Variants in GCNT1 observed in about 807,000 individuals in gnomAD.
GCNT1 encodes beta-1,3-galactosyl-O-glycosyl-glycoprotein beta-1,6-N-acetylglucosaminyltransferase.
Under a neutral mutation model 26.2 loss-of-function variants are expected in GCNT1, and 16 were observed. The observed-to-expected ratio is 0.61, with a 90% confidence interval of 0.41 to 0.93. GCNT1 has a LOEUF of 0.93. GCNT1 is among the 40% of genes least tolerant of loss of function. GCNT1 has a pLI of 0.00. For synonymous variants in GCNT1, 183 were observed against 190.8 expected, an observed-to-expected ratio of 0.96 and a Z score of 0.34; for missense variants, 477 against 526.7, an observed-to-expected ratio of 0.91 and a Z score of 0.92.
At chr9:76,443,922 AAAGGAAGAAAGGAAGG>A (rs1240318725) in intron 1 of GCNT1, among the ~76,000 whole-genome samples, 2,828 of 72,338 alleles carry the variant, frequency 0.039, 37 homozygotes, top group Middle Eastern at 0.068. Flanking sequence ...AGAAAGGAAG[AAAGGAAGAAAGGAAGG>A]AAGGAAGGAA....
intron 1 of GCNT1, among the ~76,000 whole-genome samples, chr9:76,446,622 C>T (rs1274817281): frequency 6.6e-6 from 1 of 152,146 alleles, no homozygotes; most frequent in Non-Finnish European, 1.5e-5. Context: ...TTCACTGTAG[C>T]ATTGTTTATA....
chr9:76,395,132 T>A, the GCNT1 span, among the ~76,000 whole-genome samples: 1 of 152,176 alleles, frequency 6.6e-6, no homozygotes, highest in African/African-American at 2.4e-5. Context: ...TCTACTGCAA[T>A]GCAGATAGAG....
chr9:76,489,686 A>G (rs1364543426), intron 2 of GCNT1, among the ~76,000 whole-genome samples: 1 of 152,186 alleles, frequency 6.6e-6, no homozygotes, highest in Non-Finnish European at 1.5e-5. Flanking sequence ...CTAGCTAGAC[A>G]GAAAAGTTCT....
chr9:76,492,359 A>T (rs1017034761), intron 2 of GCNT1, among the ~76,000 whole-genome samples: 3 of 152,138 alleles, frequency 2.0e-5, no homozygotes, highest in African/African-American at 7.2e-5. Context: ...TGGAAAGAGC[A>T]AAGTCTCCCA....
intron 2 of GCNT1, among the ~76,000 whole-genome samples, chr9:76,490,351 C>A (rs1458502337): frequency 1.3e-5 from 2 of 152,076 alleles, no homozygotes; most frequent in East Asian, 3.9e-4. Context: ...TTCTTGCAAA[C>A]TGTATGAGAA....
At chr9:76,481,920 C>T (rs982594483) in intron 2 of GCNT1, among the ~76,000 whole-genome samples, 4 of 152,190 alleles carry the variant, frequency 2.6e-5, no homozygotes, top group South Asian at 4.1e-4. Flanking sequence ...TAACTACAAA[C>T]AGTGGGTTGC....
In GCNT1 at chr9:76,484,978, G is replaced by A. The variant is rs576905632; in HGVS notation, c.-289-15938G>A. Among the ~76,000 whole-genome samples, 8 of 151,790 alleles carry A rather than the reference G, an allele frequency of 5.3e-5. No homozygotes were observed. In the South Asian group the frequency reaches 6.2e-4, roughly 12 times the overall value. On this transcript the variant is annotated intron_variant, in intron 2 of 3. Transcript: ENST00000376730. ...TAATTTTTGTATTTTTAGTAAACAC[G>A]GGGTTTCACCATGTTGGCCAGGCTT...
intron 1 of GCNT1, among the ~76,000 whole-genome samples, chr9:76,436,205 G>T (rs1823407234): frequency 6.6e-6 from 1 of 151,762 alleles, no homozygotes; most frequent in Non-Finnish European, 1.5e-5. Flanking sequence ...ACCTACCTCG[G>T]CCTCCATCTT....
At chr9:76,474,159 A>C (rs1165740162) in intron 2 of GCNT1, among the ~76,000 whole-genome samples, 1 of 152,190 alleles carries the variant, frequency 6.6e-6, no homozygotes, top group Non-Finnish European at 1.5e-5. Context: ...ACAAAGTGAA[A>C]CCTTGATGAT....
Position 76,428,265 on chromosome 9 carries a change from C to CAAAAAAA in GCNT1, n.38+8396_38+8402dup, listed in dbSNP as rs869195487. Reference sequence around the variant, plus strand: ...TGGGTAAAAGAGCAAGACTCCGTCTCAAAAAAAAAAAAAAAAAAAAAAAAC... The same window carrying CAAAAAAA: ...TGGGTAAAAGAGCAAGACTCCGTCTCAAAAAAAAAAAAAAAAAAAAAAAAAAAAAAAC... On this transcript the variant is annotated intron_variant and non_coding_transcript_variant, in intron 1 of 3. Coordinates refer to the GCNT1 transcript ENST00000488136. 8.7e-4 allele frequency among the ~76,000 whole-genome samples: 26 copies of CAAAAAAA among 29,758 alleles called. 2 individuals are homozygous for CAAAAAAA. The highest frequency in any genetic ancestry group is 5.1e-3 in the South Asian group (2 of 392). 19.5% of individuals were successfully genotyped at this position (29,758 alleles called of 152,430 possible).
At chr9:76,428,159 A>G (rs1170181013) in intron 1 of GCNT1, among the ~76,000 whole-genome samples, 9 of 149,140 alleles carry the variant, frequency 6.0e-5, no homozygotes, top group Non-Finnish European at 4.5e-5. Context: ...CCAGCTACTC[A>G]GGAGGCTGAG....
chr9:76,484,751 G>A (rs577723), intron 2 of GCNT1, among the ~76,000 whole-genome samples: 86,966 of 149,752 alleles, frequency 0.58, 25,730 homozygotes, highest in East Asian at 0.93. Context: ...TATTACTATA[G>A]CCATGTATAA....
chr9:76,422,234 A>T (rs1037941927), intron 1 of GCNT1, among the ~76,000 whole-genome samples: 2 of 152,098 alleles, frequency 1.3e-5, no homozygotes, highest in African/African-American at 4.8e-5. Context: ...TTCAAGATGA[A>T]ATATGAGTGG....
chr9:76,492,639 T>C (rs1460319401), intron 2 of GCNT1, among the ~76,000 whole-genome samples: 1 of 149,926 alleles, frequency 6.7e-6, no homozygotes, highest in Non-Finnish European at 1.5e-5. Context: ...CAGAGAAACT[T>C]TGTGCCTTCC....
At chr9:76,491,198 C>A (rs1281793819) in intron 2 of GCNT1, among the ~76,000 whole-genome samples, 1 of 151,268 alleles carries the variant, frequency 6.6e-6, no homozygotes, top group Non-Finnish European at 1.5e-5. Flanking sequence ...TCTCTGACTC[C>A]CTCTTTGTCT....
chr9:76,486,452 T>A (rs1824577404), intron 2 of GCNT1, among the ~76,000 whole-genome samples: 1 of 152,214 alleles, frequency 6.6e-6, no homozygotes, highest in African/African-American at 2.4e-5. Flanking sequence ...TGAAAACAGT[T>A]TTCCTTCAGA....
chr9:76,471,274 C>A (rs560096983), intron 2 of GCNT1, among the ~76,000 whole-genome samples: 1 of 152,128 alleles, frequency 6.6e-6, no homozygotes, highest in South Asian at 2.1e-4. Context: ...GATTTGCCCA[C>A]CTCGGCCTCC....
Position 76,503,648 on chromosome 9 carries a change from T to C in GCNT1, c.1267T>C (p.Leu423=). 1.9e-6 allele frequency: 3 copies of C among 1,613,630 alleles called. No individual in the cohort carries two copies. The highest frequency in any genetic ancestry group is 2.5e-6 in the Non-Finnish European group (3 of 1,179,800). Residue 423 remains leucine (L), a synonymous_variant, in exon 4 of 4, where the codon TTG becomes CTG. Transcript: ENST00000376730. ...CLDEHLRHKA[L]ETLKH Reference sequence around the variant, plus strand: ...GGATGAGCATTTGAGACACAAAGCTTTGGAGACATTAAAACACTGACCATT... The same window carrying C: ...GGATGAGCATTTGAGACACAAAGCTCTGGAGACATTAAAACACTGACCATT...
At chr9:76,417,794 C>T (rs1823145837), upstream of GCNT1, among the ~76,000 whole-genome samples, 1 of 152,166 alleles carries the variant, frequency 6.6e-6, no homozygotes, top group Non-Finnish European at 1.5e-5. Flanking sequence ...AGTAATTTCT[C>T]AGCAACTCAT....
Sources: gnomAD v4.1 joint callset for allele counts (sites outside exome capture counted in the v4.1 genomes callset) on GRCh38, gnomAD v4.1.1 for gene constraint, MANE v1.5 for transcripts, NCBI Gene and HGNC (gene_info 2026-07-23, HGNC 2026-07-21) for gene names.